The following FNDC3A variants were observed in gnomAD, a reference collection of about 807,000 sequenced individuals.
FNDC3A encodes fibronectin type-III domain-containing protein 3A.
A neutral mutation model predicts 148.9 loss-of-function variants in FNDC3A; 32 were observed. The ratio of observed to expected loss-of-function variants is 0.21; its 90% confidence interval spans 0.16 to 0.29. FNDC3A has a LOEUF of 0.29. Ranked by LOEUF, FNDC3A falls within the 10% of genes least tolerant of loss-of-function variation. The pLI is 1.00. For synonymous variants in FNDC3A, 472 were observed against 473.6 expected (o/e 1.00, Z 0.04); for missense variants, 1,191 against 1,452.8 (o/e 0.82, Z 2.93).
chr13:49,042,839 T>C lies in FNDC3A; in HGVS notation c.100-32450T>C, dbSNP rs546386343. 2.0e-5 allele frequency among the ~76,000 whole-genome samples: 3 copies of C among 152,348 alleles called. No individual in the cohort carries two copies. The South Asian group carries it at 6.2e-4, about 32-fold the overall frequency. ...ATTTTTTGATAAATACAGTGTTGTC[T>C]GCATCCTAAGGTCTTACTGTAGAAT... On this transcript the variant is annotated intron_variant, in intron 2 of 25. Transcript: ENST00000492622.
chr13:49,044,307 C>A, intron 2 of FNDC3A: 1 of 168,612 alleles, frequency 5.9e-6, no homozygotes. Flanking sequence ...CCATGCTCCC[C>A]ATAAGGTAGG....
rs185281225 is a variant in FNDC3A, at chr13:49,097,331, T to C, written c.176-17324T>C. ...ATTAGCAGTTAAAAAAAAAAAAAAC[T>C]TAGAATGAGGGAAAGCCCTTGCTTT... is the stretch of plus-strand genomic sequence containing the variant. On this transcript the variant is annotated intron_variant, in intron 3 of 25. Coordinates refer to ENST00000492622, the MANE Select transcript of FNDC3A (RefSeq NM_001079673.2). 1.6e-3 allele frequency among the ~76,000 whole-genome samples: 244 copies of C among 151,710 alleles called. 6 individuals are homozygous for C. In the South Asian group the frequency reaches 0.044, roughly 27 times the overall value.
chr13:49,125,444 G>C (rs754500140), intron 4 of FNDC3A, among the ~76,000 whole-genome samples: 8 of 152,276 alleles, frequency 5.3e-5, no homozygotes, highest in Admixed American at 2.0e-4. Context: ...AAGTTGTTTT[G>C]AGCTTAAAGT....
intron 19 of FNDC3A, among the ~76,000 whole-genome samples, chr13:49,195,175 G>T (rs2138118895): frequency 6.6e-6 from 1 of 152,044 alleles, no homozygotes; most frequent in African/African-American, 2.4e-5. Context: ...AGAGGTTGAG[G>T]TTATTTCAGG....
chr13:49,108,729 C>T (rs1463381534), intron 3 of FNDC3A, among the ~76,000 whole-genome samples: 1 of 152,162 alleles, frequency 6.6e-6, no homozygotes, highest in African/African-American at 2.4e-5. Context: ...AGATCAGAGA[C>T]ATGGTCGGAT....
chr13:49,005,714 GA>G (rs1952208125), intron 1 of FNDC3A, among the ~76,000 whole-genome samples: 1 of 151,864 alleles, frequency 6.6e-6, no homozygotes, highest in African/African-American at 2.4e-5. Flanking sequence ...ATAGGGTGAT[GA>G]GGGGGATTGA....
intron 10 of FNDC3A, 76 bp downstream of exon 10, chr13:49,168,827 G>C: frequency 7.5e-7 from 1 of 1,339,940 alleles, no homozygotes; most frequent in Non-Finnish European, 1.0e-6. Flanking sequence ...AGTTTCAATT[G>C]TTGCTGGAGA....
At chr13:49,074,218 C>G (rs921266661) in intron 2 of FNDC3A, among the ~76,000 whole-genome samples, 1 of 151,974 alleles carries the variant, frequency 6.6e-6, no homozygotes, top group African/African-American at 2.4e-5. Context: ...ATTTATAGTC[C>G]TTTATCCCTC....
chr13:49,078,459 A>G (rs1878263553), intron 3 of FNDC3A, among the ~76,000 whole-genome samples: 2 of 152,186 alleles, frequency 1.3e-5, no homozygotes, highest in Admixed American at 6.5e-5. Flanking sequence ...ACAGATTGTA[A>G]GATTGGAGAC....
At chr13:49,106,773 C>CAAAAAAAAAAAAAAAAAAAA (rs543962565) in intron 3 of FNDC3A, among the ~76,000 whole-genome samples, 1 of 79,886 alleles carries the variant, frequency 1.3e-5, no homozygotes, top group African/African-American at 5.2e-5. Context: ...TGAATGAAAG[C>CAAAAAAAAAAAAAAAAAAAA]AAAAAAAAAA....
intron 1 of FNDC3A, among the ~76,000 whole-genome samples, chr13:48,983,814 T>G (rs1566173002): frequency 6.6e-6 from 1 of 152,210 alleles, no homozygotes; most frequent in Admixed American, 6.5e-5. Flanking sequence ...AGAAGCACTT[T>G]CATTAATAGA....
chr13:49,006,541 T>G (rs1952223907), intron 2 of FNDC3A, among the ~76,000 whole-genome samples: 1 of 152,018 alleles, frequency 6.6e-6, no homozygotes, highest in African/African-American at 2.4e-5. Context: ...TGTTTTCCTT[T>G]AGACAAATAG....
At chr13:49,051,523 A>AT (rs1285708099) in intron 2 of FNDC3A, among the ~76,000 whole-genome samples, 1 of 152,190 alleles carries the variant, frequency 6.6e-6, no homozygotes, top group Non-Finnish European at 1.5e-5. Context: ...GCTTGTAGGG[A>AT]TTCTGCTGAG....
chr13:49,070,225 G>A (rs1402075732), intron 2 of FNDC3A, among the ~76,000 whole-genome samples: 1 of 151,880 alleles, frequency 6.6e-6, no homozygotes, highest in African/African-American at 2.4e-5. Context: ...TCCGCCTCCT[G>A]GGTTCAAGCA....
intron 2 of FNDC3A, among the ~76,000 whole-genome samples, chr13:49,032,286 GGTA>G (rs1307986367): frequency 6.6e-6 from 1 of 151,854 alleles, no homozygotes; most frequent in Non-Finnish European, 1.5e-5. Context: ...TTCACTCCTA[GGTA>G]TATATCCAAG....
chr13:49,197,672 AG>A, intron 20 of FNDC3A, 52 bp from the exon 21 acceptor site: 1 of 1,520,846 alleles, frequency 6.6e-7, no homozygotes, highest in Non-Finnish European at 8.8e-7. Flanking sequence ...TTTGGCCAAA[AG>A]CTATTTAATC....
At chr13:49,149,886 T>G (rs1883190857) in intron 8 of FNDC3A, among the ~76,000 whole-genome samples, 1 of 152,220 alleles carries the variant, frequency 6.6e-6, no homozygotes, top group African/African-American at 2.4e-5. Flanking sequence ...TGGTTCATAT[T>G]TTCTATTTCT....
chr13:49,010,282 G>A (rs577536342), intron 2 of FNDC3A, among the ~76,000 whole-genome samples: 1 of 152,286 alleles, frequency 6.6e-6, no homozygotes, highest in African/African-American at 2.4e-5. Flanking sequence ...GATGGCTTAG[G>A]GTAGGGTAAA....
intron 2 of FNDC3A, among the ~76,000 whole-genome samples, chr13:49,038,149 C>T (rs951754449): frequency 6.6e-6 from 1 of 152,152 alleles, no homozygotes; most frequent in African/African-American, 2.4e-5. Flanking sequence ...CTCTGTGACA[C>T]GTTCTGCCGT....
Sources: allele counts gnomAD v4.1 joint callset (sites outside exome capture counted in the v4.1 genomes callset), GRCh38; gene constraint gnomAD v4.1.1; transcripts MANE v1.5; gene names NCBI Gene and HGNC (gene_info 2026-07-23, HGNC 2026-07-21).